DNM3: variants seen among roughly 807,000 people sequenced by gnomAD.
DNM3 encodes dynamin 3.
Under a neutral mutation model 101.6 loss-of-function variants are expected in DNM3, and 47 were observed. That is an observed-to-expected ratio of 0.46 (90% CI 0.37 to 0.59). The LOEUF (loss-of-function observed/expected upper bound fraction) is 0.59. Ranked by LOEUF, DNM3 falls within the 20% of genes least tolerant of loss-of-function variation. The pLI is 0.00. For missense variants in DNM3, 849 were observed against 1,085.7 expected, an observed-to-expected ratio of 0.78 and a Z score of 3.06; for synonymous variants, 385 against 387.9, an observed-to-expected ratio of 0.99 and a Z score of 0.09.
intron 14 of DNM3, among the ~76,000 whole-genome samples, chr1:172,214,277 G>T (rs2060615559): frequency 6.6e-6 from 1 of 152,038 alleles, no homozygotes; most frequent in Non-Finnish European, 1.5e-5. Context: ...TGTCCTACTT[G>T]TTTAACTATT....
chr1:172,349,087 G>A (rs2067083303), intron 17 of DNM3, among the ~76,000 whole-genome samples: 1 of 152,094 alleles, frequency 6.6e-6, no homozygotes, highest in Admixed American at 6.6e-5. Flanking sequence ...GACATGTCCA[G>A]GAATATTAGT....
At chr1:171,957,981 G>T (rs2042971507) in intron 2 of DNM3, among the ~76,000 whole-genome samples, 1 of 152,138 alleles carries the variant, frequency 6.6e-6, no homozygotes, top group South Asian at 2.1e-4. Context: ...CCAATTTACT[G>T]TATTAGTCTG....
intron 14 of DNM3, among the ~76,000 whole-genome samples, chr1:172,219,171 A>G (rs1403617565): frequency 6.6e-6 from 1 of 151,842 alleles, no homozygotes; most frequent in Non-Finnish European, 1.5e-5. Flanking sequence ...TGGGCAACAT[A>G]GAAAGATCTC....
intron 14 of DNM3, among the ~76,000 whole-genome samples, chr1:172,181,942 T>G (rs2148397031): frequency 6.6e-6 from 1 of 152,200 alleles, no homozygotes; most frequent in East Asian, 1.9e-4. Context: ...ACTCATTAGG[T>G]GCTGATGAAT....
At chr1:172,021,544 A>G (rs939582876) in intron 4 of DNM3, among the ~76,000 whole-genome samples, 1 of 152,264 alleles carries the variant, frequency 6.6e-6, no homozygotes, top group Admixed American at 6.5e-5. Flanking sequence ...TAATTATCCC[A>G]GGACAAAAAA....
intron 14 of DNM3, among the ~76,000 whole-genome samples, chr1:172,194,111 A>T (rs1225703135): frequency 6.6e-6 from 1 of 151,984 alleles, no homozygotes; most frequent in African/African-American, 2.4e-5. Flanking sequence ...CCTTCATTTC[A>T]TTATGTACCT....
chr1:172,064,624 G>T (rs2051507719), intron 10 of DNM3, among the ~76,000 whole-genome samples: 1 of 151,994 alleles, frequency 6.6e-6, no homozygotes, highest in Non-Finnish European at 1.5e-5. Context: ...ACCTCTGTAT[G>T]TATGTATCTT....
At position 172,229,845 on chromosome 1, in the gene DNM3, C is replaced by T. The variant is rs887566783; in HGVS notation, c.1660-23728C>T. 1.1e-4 allele frequency among the ~76,000 whole-genome samples: 16 copies of T among 152,204 alleles called. 1 individual carries two copies. In the South Asian group the frequency reaches 1.5e-3, roughly 14 times the overall value. The stretch of plus-strand genomic sequence containing the variant: ...GAAACTGGTGAGGAGAATGCTCCTT[C>T]TGTCACTGTCCAAATTGTGCTGATT... On this transcript the variant is annotated intron_variant, in intron 14 of 20. Transcript: ENST00000627582.
At chr1:172,023,523 C>T (rs1241681175) in intron 4 of DNM3, among the ~76,000 whole-genome samples, 2 of 152,094 alleles carry the variant, frequency 1.3e-5, no homozygotes, top group Non-Finnish European at 2.9e-5. Context: ...AAGACTGATG[C>T]TATAGTGATT....
rs1184624717 is a variant in DNM3 at position 172,271,419 on chromosome 1, GAA to G, written c.1769+17740_1769+17741del. On this transcript the variant is annotated intron_variant, in intron 15 of 20. Transcript: ENST00000627582. ...TATATGTTTTACTTTAAAAATTATT[GAA>G]AAGAGTGGCTTTTTTTTACAGTTTT... is the stretch of plus-strand genomic sequence containing the variant. 1.1e-4 allele frequency among the ~76,000 whole-genome samples: 16 copies of G among 152,096 alleles called. No individual in the cohort carries two copies. The East Asian group carries it at 2.3e-3, about 22-fold the overall frequency.
rs750270768 is a variant in DNM3 at position 172,032,526 on chromosome 1, CTTTTT to C, written c.688+51_688+55del. The C allele has an allele frequency of 2.7e-3, 955 of 360,302 alleles. 7 individuals are homozygous for C. Among genetic ancestry groups the C allele is most frequent in the African/African-American group, 5.4e-3 (182 of 33,620 alleles). The allele number at this position is 360,302 out of a possible 1,614,324, so 22.3% of individuals were successfully genotyped here. A position where few individuals can be genotyped will look rare whatever the true frequency, so the allele number is the denominator to read the frequency against. On this transcript the variant is annotated intron_variant, in intron 5 of 20. Coordinates refer to ENST00000627582, the MANE Select transcript of DNM3 (RefSeq NM_015569.5). Reference sequence around the variant, plus strand: ...GTAATGTACTGTGGTCTATACAAGACTTTTTTTTTTTTTTTTTTTTTTTTTTTTTG... The same window carrying C: ...GTAATGTACTGTGGTCTATACAAGACTTTTTTTTTTTTTTTTTTTTTTTTG...
chr1:172,032,767 A>C (rs1558455269), intron 5 of DNM3, among the ~76,000 whole-genome samples: 1 of 152,090 alleles, frequency 6.6e-6, no homozygotes, highest in African/African-American at 2.4e-5. Flanking sequence ...AAGGGAGGTT[A>C]TAAATATTCA....
In DNM3 at chr1:172,162,885, G is replaced by A. The variant is rs180730231; in HGVS notation, c.1659+31597G>A. Among the ~76,000 whole-genome samples the A allele has an allele frequency of 9.2e-5, 14 of 152,142 alleles. 1 individual carries two copies. In the East Asian group the frequency reaches 1.9e-3, roughly 21 times the overall value. ...TATATGCAAAAGATATTTTGTGAAT[G>A]AATACTTGTGAAATCTTTTAAATAT... is the stretch of plus-strand genomic sequence containing the variant. On this transcript the variant is annotated intron_variant, in intron 14 of 20. Coordinates refer to ENST00000627582, the MANE Select transcript of DNM3 (RefSeq NM_015569.5).
At position 171,917,299 on chromosome 1, in the gene DNM3, T is replaced by C. The variant is rs917618851; in HGVS notation, c.162-4449T>C. ...TGCTGCCGGGGGGAATTTTTTTTAGTTTTCTTGATACAGCTAGTGTGTTCT... is the reference window on the plus strand; with the variant it reads ...TGCTGCCGGGGGGAATTTTTTTTAGCTTTCTTGATACAGCTAGTGTGTTCT... On this transcript the variant is annotated intron_variant, in intron 1 of 20. Coordinates refer to ENST00000627582, the MANE Select transcript of DNM3 (RefSeq NM_015569.5). 3.9e-5 allele frequency among the ~76,000 whole-genome samples: 6 copies of C among 152,190 alleles called. 1 individual carries two copies. Among genetic ancestry groups the C allele is most frequent in the Admixed American group, 3.9e-4 (6 of 15,276 alleles).
chr1:172,354,468 T>G (rs1190833264), intron 17 of DNM3, among the ~76,000 whole-genome samples: 2 of 152,164 alleles, frequency 1.3e-5, no homozygotes, highest in Non-Finnish European at 2.9e-5. Context: ...CTCAGGCTGG[T>G]GGGAGATTCT....
At chr1:172,355,880 C>T (rs2067429752) in intron 17 of DNM3, among the ~76,000 whole-genome samples, 1 of 151,966 alleles carries the variant, frequency 6.6e-6, no homozygotes, top group Non-Finnish European at 1.5e-5. Context: ...ATTCTAAGAT[C>T]TAGGAAGACC....
At position 172,303,757 on chromosome 1, in the gene DNM3, G is replaced by A. The variant is rs190653610; in HGVS notation, c.1770-4971G>A. On this transcript the variant is annotated intron_variant, in intron 15 of 20. Coordinates refer to ENST00000627582, the MANE Select transcript of DNM3 (RefSeq NM_015569.5). ...CTTAAAGAAAAGAATTTTCAACCCA[G>A]AATTTCATATCCAGCCAAACTAAGC... Among the ~76,000 whole-genome samples the A allele has an allele frequency of 1.4e-3, 206 of 152,242 alleles. 2 individuals carry two copies. The Middle Eastern group carries it at 0.014, about 10-fold the overall frequency.
At chr1:172,018,944 C>T (rs1443315491) in intron 4 of DNM3, among the ~76,000 whole-genome samples, 2 of 151,664 alleles carry the variant, frequency 1.3e-5, no homozygotes, top group African/African-American at 4.8e-5. Flanking sequence ...AAGTCTATTA[C>T]TCCTTCACTT....
At chr1:172,312,357 G>C (rs976081862) in intron 16 of DNM3, among the ~76,000 whole-genome samples, 1 of 152,096 alleles carries the variant, frequency 6.6e-6, no homozygotes, top group Admixed American at 6.5e-5. Context: ...CCTCTATTTT[G>C]ACTGGAAAGA....
Sources: allele counts gnomAD v4.1 joint callset (sites outside exome capture counted in the v4.1 genomes callset), GRCh38; gene constraint gnomAD v4.1.1; transcripts MANE v1.5; gene names NCBI Gene and HGNC (gene_info 2026-07-23, HGNC 2026-07-21).